The following NUMB variants were observed in gnomAD, a reference collection of about 807,000 sequenced individuals.
NUMB encodes protein numb homolog.
NUMB carries 29 observed loss-of-function variants against 59.7 expected under a neutral mutation model. The ratio of observed to expected loss-of-function variants is 0.49; its 90% confidence interval spans 0.36 to 0.66. NUMB has a LOEUF of 0.66. Ranked by LOEUF, NUMB falls within the 30% of genes least tolerant of loss-of-function variation. The pLI, the probability that NUMB is intolerant of heterozygous loss-of-function variation, is 0.00. For synonymous variants in NUMB, 288 were observed against 288.2 expected (o/e 1.00, Z 0.01); for missense variants, 723 against 822.0 (o/e 0.88, Z 1.47).
intron 1 of NUMB, among the ~76,000 whole-genome samples, chr14:73,421,744 T>G (rs1466533905): frequency 6.6e-6 from 1 of 152,208 alleles, no homozygotes; most frequent in African/African-American, 2.4e-5. Flanking sequence ...TTGCCCCAGG[T>G]TAATACTCAG....
rs1566773092 is a variant in NUMB, at chr14:73,385,495, C to CTTTTTTTTTTTTTTTTTTTTTTT, written c.-100-18515_-100-18514insAAAAAAAAAAAAAAAAAAAAAAA. On this transcript the variant is annotated intron_variant, in intron 2 of 12. Transcript: ENST00000555238. ...CAAAATAGCTACATATGGCTAGTGG[C>CTTTTTTTTTTTTTTTTTTTTTTT]CTTTTTTTTTTTTTTTTTTTTTTTG... Among the ~76,000 whole-genome samples the CTTTTTTTTTTTTTTTTTTTTTTT allele has an allele frequency of 3.0e-5, 2 of 67,546 alleles. 1 individual carries two copies. Among genetic ancestry groups the CTTTTTTTTTTTTTTTTTTTTTTT allele is most frequent in the Admixed American group, 3.5e-4 (2 of 5,696 alleles). 44.3% of individuals were successfully genotyped at this position (67,546 alleles called of 152,430 possible). A position where few individuals can be genotyped will look rare whatever the true frequency, so the allele number is the denominator to read the frequency against.
chr14:73,354,750 C>A (rs1471966006), intron 4 of NUMB, among the ~76,000 whole-genome samples: 1 of 132,918 alleles, frequency 7.5e-6, no homozygotes, highest in Non-Finnish European at 1.5e-5. Flanking sequence ...ATCGCTTGAA[C>A]CCAGGAGGTG....
chr14:73,429,137 C>T (rs1436068045), intron 1 of NUMB, among the ~76,000 whole-genome samples: 4 of 151,916 alleles, frequency 2.6e-5, no homozygotes, highest in Admixed American at 6.6e-5. Context: ...TTTGGGAGGC[C>T]GAGGCGGGCG....
intron 6 of NUMB, among the ~76,000 whole-genome samples, chr14:73,299,686 G>C (rs188810906): frequency 2.4e-4 from 37 of 152,070 alleles, no homozygotes; most frequent in African/African-American, 5.1e-4. Context: ...GTAGAAGTTA[G>C]ACTAGAATGG....
At position 73,404,156 on chromosome 14, in the gene NUMB, C is replaced by T. The variant is rs151251288; in HGVS notation, c.-101+5781G>A. Among the ~76,000 whole-genome samples the T allele has an allele frequency of 1.5e-4, 23 of 151,240 alleles. No homozygotes were observed. The East Asian group carries it at 4.4e-3, about 29-fold the overall frequency. ...ACTTGGCAAGCTGAGACACAAGAAT[C>T]GCTTGAGCCTGGGAGGCAGAGGTTG... On this transcript the variant is annotated intron_variant, in intron 2 of 12. Coordinates refer to ENST00000555238, the MANE Select transcript of NUMB (RefSeq NM_001005743.2).
At chr14:73,420,656 C>T (rs79941707) in intron 1 of NUMB, among the ~76,000 whole-genome samples, 7,826 of 152,120 alleles carry the variant, frequency 0.051, 653 homozygotes, top group African/African-American at 0.18. Context: ...CTTGTCTCTA[C>T]GAAATATACA....
At chr14:73,351,161 T>C (rs1893233982) in intron 4 of NUMB, among the ~76,000 whole-genome samples, 1 of 152,158 alleles carries the variant, frequency 6.6e-6, no homozygotes, top group South Asian at 2.1e-4. Context: ...CCTAAATCTA[T>C]AAATACATAC....
chr14:73,426,460 A>G (rs1164560690), intron 1 of NUMB, among the ~76,000 whole-genome samples: 2 of 152,214 alleles, frequency 1.3e-5, no homozygotes, highest in Admixed American at 6.5e-5. Flanking sequence ...TAATCTCAGC[A>G]ATTTGGGAGG....
chr14:73,352,881 C>G (rs1402131607), intron 4 of NUMB, among the ~76,000 whole-genome samples: 1 of 150,772 alleles, frequency 6.6e-6, no homozygotes, highest in South Asian at 2.1e-4. Flanking sequence ...TAACTAAAGT[C>G]TGTTTCCCTC....
intron 1 of NUMB, among the ~76,000 whole-genome samples, chr14:73,446,973 G>A (rs771426672): frequency 6.6e-6 from 1 of 151,878 alleles, no homozygotes; most frequent in African/African-American, 2.4e-5. Context: ...CAGATCATGA[G>A]GTCAGAAGAT....
chr14:73,393,911 C>CT (rs1895983714), intron 2 of NUMB, among the ~76,000 whole-genome samples: 1 of 152,144 alleles, frequency 6.6e-6, no homozygotes, highest in Non-Finnish European at 1.5e-5. Flanking sequence ...ATAATCTTAA[C>CT]TGTTTAAATT....
intron 1 of NUMB, among the ~76,000 whole-genome samples, chr14:73,428,062 A>G (rs1487039721): frequency 6.6e-6 from 1 of 152,216 alleles, no homozygotes; most frequent in Non-Finnish European, 1.5e-5. Context: ...CCTATTATCA[A>G]CCAGACACAG....
intron 2 of NUMB, among the ~76,000 whole-genome samples, chr14:73,391,468 TTAAA>T (rs928357140): frequency 3.3e-5 from 5 of 152,148 alleles, no homozygotes; most frequent in African/African-American, 1.2e-4. Flanking sequence ...TATTATTTAA[TTAAA>T]TAATTATTTT....
chr14:73,413,661 G>C (rs2140138694), intron 1 of NUMB, among the ~76,000 whole-genome samples: 1 of 151,974 alleles, frequency 6.6e-6, no homozygotes, highest in African/African-American at 2.4e-5. Context: ...AGGAGGCTGT[G>C]GCATAAGAAT....
intron 6 of NUMB, among the ~76,000 whole-genome samples, chr14:73,309,588 G>A (rs1427296353): frequency 6.6e-6 from 1 of 151,878 alleles, no homozygotes; most frequent in Non-Finnish European, 1.5e-5. Flanking sequence ...GGGGGCAAGG[G>A]GACAAATACC....
chr14:73,410,461 T>C (rs1283531948), intron 1 of NUMB, among the ~76,000 whole-genome samples: 2 of 152,206 alleles, frequency 1.3e-5, no homozygotes, highest in Non-Finnish European at 2.9e-5. Flanking sequence ...AGAACTTTGA[T>C]ACGTCTCTAT....
intron 1 of NUMB, among the ~76,000 whole-genome samples, chr14:73,411,063 G>A (rs1254810353): frequency 3.3e-5 from 5 of 152,262 alleles, no homozygotes; most frequent in Admixed American, 2.0e-4. Flanking sequence ...ACTGGGTCTC[G>A]CTCTGCCTGC....
At chr14:73,302,365 T>G (rs1890189775) in intron 6 of NUMB, among the ~76,000 whole-genome samples, 2 of 151,736 alleles carry the variant, frequency 1.3e-5, no homozygotes, top group Admixed American at 6.6e-5. Context: ...AAGCCCAGCC[T>G]TCCTCTCACA....
At chr14:73,436,740 G>T (rs558585574) in intron 1 of NUMB, among the ~76,000 whole-genome samples, 1 of 151,876 alleles carries the variant, frequency 6.6e-6, no homozygotes, top group African/African-American at 2.4e-5. Context: ...CAGCACTTTC[G>T]GAGGCTGAGG....
Sources: allele counts gnomAD v4.1 joint callset (sites outside exome capture counted in the v4.1 genomes callset), GRCh38; gene constraint gnomAD v4.1.1; transcripts MANE v1.5; gene names NCBI Gene and HGNC (gene_info 2026-07-23, HGNC 2026-07-21).